Variants in BCKDHB observed in about 807,000 individuals in gnomAD.
BCKDHB encodes branched chain keto acid dehydrogenase E1 subunit beta.
In BCKDHB, 41 loss-of-function variants were observed where a neutral mutation model predicts 48.5. That is an observed-to-expected ratio of 0.85 (90% CI 0.66 to 1.10). BCKDHB has a LOEUF of 1.10. BCKDHB is among the 50% of genes least tolerant of loss of function. The pLI is 0.00. For synonymous variants in BCKDHB, 201 were observed against 174.8 expected, an observed-to-expected ratio of 1.15 and a Z score of -1.18; for missense variants, 496 against 494.2, an observed-to-expected ratio of 1.00 and a Z score of -0.03.
chr6:80,326,685 C>T (rs757980403), intron 9 of BCKDHB, among the ~76,000 whole-genome samples: 9 of 152,000 alleles, frequency 5.9e-5, no homozygotes, highest in African/African-American at 9.7e-5. Flanking sequence ...GTCAGTAGTT[C>T]GAGACCAGCC....
At chr6:80,187,451 G>T (rs1773694539) in intron 6 of BCKDHB, among the ~76,000 whole-genome samples, 1 of 152,100 alleles carries the variant, frequency 6.6e-6, no homozygotes, top group Non-Finnish European at 1.5e-5. Context: ...AGAGGGTAGG[G>T]GTAAGGGTCT....
chr6:80,248,528 A>G (rs921099844), intron 8 of BCKDHB, among the ~76,000 whole-genome samples: 1 of 152,152 alleles, frequency 6.6e-6, no homozygotes, highest in Non-Finnish European at 1.5e-5. Flanking sequence ...TATTGCTGGG[A>G]TATGGTATGA....
At chr6:80,202,403 T>C (rs1282700583) in intron 7 of BCKDHB, among the ~76,000 whole-genome samples, 2 of 152,186 alleles carry the variant, frequency 1.3e-5, no homozygotes, top group African/African-American at 4.8e-5. Context: ...TAAATACGAT[T>C]ATGTCTCCCT....
the BCKDHB span, among the ~76,000 whole-genome samples, chr6:80,446,183 A>G: frequency 6.6e-6 from 1 of 152,234 alleles, no homozygotes; most frequent in Non-Finnish European, 1.5e-5. Flanking sequence ...TGATTGTCAA[A>G]TCCAGTGTAA....
At chr6:80,410,729 C>G in the BCKDHB span, among the ~76,000 whole-genome samples, 1 of 152,270 alleles carries the variant, frequency 6.6e-6, no homozygotes, top group Admixed American at 6.5e-5. Flanking sequence ...TCCACTTGAT[C>G]GAATCAGCTA....
chr6:80,358,976 ACT>A, the BCKDHB span, among the ~76,000 whole-genome samples: 9 of 152,118 alleles, frequency 5.9e-5, no homozygotes, highest in Non-Finnish European at 2.9e-5. Flanking sequence ...CAAATCAATC[ACT>A]CTGAGAGGGC....
chr6:80,287,550 A>G (rs1766686412), intron 9 of BCKDHB, among the ~76,000 whole-genome samples: 1 of 152,066 alleles, frequency 6.6e-6, no homozygotes, highest in African/African-American at 2.4e-5. Context: ...CCCAACCAGG[A>G]AAAATTAGGC....
chr6:80,112,684 C>A (rs1177700893), intron 1 of BCKDHB, among the ~76,000 whole-genome samples: 1 of 152,188 alleles, frequency 6.6e-6, no homozygotes, highest in East Asian at 1.9e-4. Context: ...TCCAAGGAGG[C>A]CTTTGTGCTA....
intron 6 of BCKDHB, among the ~76,000 whole-genome samples, chr6:80,186,404 C>T (rs982475971): frequency 6.6e-6 from 1 of 152,190 alleles, no homozygotes; most frequent in South Asian, 2.1e-4. Flanking sequence ...AGGCCAATCT[C>T]ACTCCTGCCA....
At chr6:80,146,522 C>T (rs1005276583) in intron 3 of BCKDHB, among the ~76,000 whole-genome samples, 1 of 152,040 alleles carries the variant, frequency 6.6e-6, no homozygotes, top group South Asian at 2.1e-4. Context: ...TTGTCAAGGC[C>T]TAAATCCGCA....
Position 80,132,445 on chromosome 6 carries a change from TAGAC to T in BCKDHB, c.343+3219_343+3222del, listed in dbSNP as rs557695049. On this transcript the variant is annotated intron_variant, in intron 3 of 9. Transcript: ENST00000320393. Reference sequence around the variant, plus strand: ...AGTGAATTTACCCTTTGCTCTCACTTAGACAGTGTCCTACTGTCTCAGGAAGGGG... The same window carrying T: ...AGTGAATTTACCCTTTGCTCTCACTTAGTGTCCTACTGTCTCAGGAAGGGG... Among the ~76,000 whole-genome samples the T allele has an allele frequency of 1.7e-4, 26 of 152,330 alleles. No homozygotes were observed. In the South Asian group the frequency reaches 2.1e-3, roughly 12 times the overall value.
chr6:80,261,596 C>T (rs184475275), intron 8 of BCKDHB, among the ~76,000 whole-genome samples: 7 of 152,192 alleles, frequency 4.6e-5, no homozygotes, highest in East Asian at 3.9e-4. Flanking sequence ...CGAGAATACA[C>T]GAATCCACCA....
At chr6:80,212,459 G>A (rs896530583) in intron 8 of BCKDHB, among the ~76,000 whole-genome samples, 3 of 152,128 alleles carry the variant, frequency 2.0e-5, no homozygotes, top group African/African-American at 7.2e-5. Context: ...CGACCCCGCA[G>A]GTGGTCAGAC....
the BCKDHB span, among the ~76,000 whole-genome samples, chr6:80,441,815 C>A: frequency 1.3e-5 from 2 of 152,092 alleles, no homozygotes; most frequent in African/African-American, 4.8e-5. Context: ...GTGCCAGGCA[C>A]TGCATTTAGA....
intron 6 of BCKDHB, among the ~76,000 whole-genome samples, chr6:80,182,532 G>T (rs148193415): frequency 2.0e-5 from 3 of 152,086 alleles, no homozygotes; most frequent in Non-Finnish European, 2.9e-5. Flanking sequence ...CATGAGTCAT[G>T]TGTTTTCTTT....
At position 80,201,022 on chromosome 6, in the gene BCKDHB, G is replaced by A; in HGVS notation, c.831G>A (p.Trp277Ter). The change falls in exon 7 of 10, where the codon TGG becomes TGA. Residue 277 changes from tryptophan (W) to a stop codon, truncating the protein, a stop_gained. Coordinates refer to ENST00000320393, the MANE Select transcript of BCKDHB (RefSeq NM_183050.4). LOFTEE classifies it high-confidence loss of function. ...GGAGTGATGTTACTCTAGTTGCCTG[G>A]GGCACTCAGGTGAGTAGCATTGATC... is the stretch of plus-strand genomic sequence containing the variant. ...QEGSDVTLVA[W>*]GTQVHVIREV... The A allele has an allele frequency of 6.2e-7, 1 of 1,607,836 alleles. No individual in the cohort carries two copies. Among genetic ancestry groups the A allele is most frequent in the Non-Finnish European group, 8.5e-7 (1 of 1,174,642 alleles).
the BCKDHB span, among the ~76,000 whole-genome samples, chr6:80,417,583 T>A: frequency 6.6e-6 from 1 of 152,206 alleles, no homozygotes; most frequent in Admixed American, 6.5e-5. Flanking sequence ...ATCTTATTTC[T>A]CCTTCACTTA....
chr6:80,147,170 T>C lies in BCKDHB; in HGVS notation c.343+17941T>C, dbSNP rs147283358. On this transcript the variant is annotated intron_variant, in intron 3 of 9. Coordinates refer to ENST00000320393, the MANE Select transcript of BCKDHB (RefSeq NM_183050.4). The stretch of plus-strand genomic sequence containing the variant: ...TCCTGTAAAGTTAGTTCTATTCTTA[T>C]CCCACTTTGCAGATACAGAAACTAA... Among the ~76,000 whole-genome samples, 90 of 152,274 alleles carry C rather than the reference T, an allele frequency of 5.9e-4. No homozygotes were observed. In the East Asian group the frequency reaches 0.016, roughly 27 times the overall value.
intron 9 of BCKDHB, among the ~76,000 whole-genome samples, chr6:80,296,463 A>G (rs1382575772): frequency 1.3e-5 from 2 of 152,222 alleles, no homozygotes; most frequent in Non-Finnish European, 2.9e-5. Flanking sequence ...ACATATTTAT[A>G]CAAATACAGT....
Sources: allele counts gnomAD v4.1 joint callset (sites outside exome capture counted in the v4.1 genomes callset), GRCh38; gene constraint gnomAD v4.1.1; transcripts MANE v1.5; gene names NCBI Gene and HGNC (gene_info 2026-07-23, HGNC 2026-07-21).